Variants in CDH13 observed in about 807,000 individuals in gnomAD.
CDH13 encodes the protein cadherin-13.
In CDH13, 24 loss-of-function variants were observed where a neutral mutation model predicts 63.8. That is an observed-to-expected ratio of 0.38 (90% CI 0.27 to 0.53). The LOEUF (loss-of-function observed/expected upper bound fraction) is 0.53, where lower values mean the gene tolerates loss of function less well. Among genes scored for constraint, CDH13 ranks in the 20% least tolerant of loss-of-function variants. CDH13 has a pLI of 0.85. For missense variants in CDH13, 1,049 were observed against 903.1 expected (o/e 1.16, Z -2.07); for synonymous variants, 503 against 355.3 (o/e 1.42, Z -4.67).
Position 83,084,929 on chromosome 16 carries a change from G to T in CDH13, c.367-40456G>T, listed in dbSNP as rs1478111117. On this transcript the variant is annotated intron_variant, in intron 3 of 13. Transcript: ENST00000567109. ...TTGAGTAAGTAGAGGTGTTTTTCTTGCCTAACGAGAAGTCTCAGTGTAGGT... is the reference window on the plus strand; with the variant it reads ...TTGAGTAAGTAGAGGTGTTTTTCTTTCCTAACGAGAAGTCTCAGTGTAGGT... Among the ~76,000 whole-genome samples the T allele has an allele frequency of 2.6e-5, 4 of 152,244 alleles. 1 individual carries two copies. Among genetic ancestry groups the T allele is most frequent in the Admixed American group, 2.0e-4 (3 of 15,292 alleles).
chr16:83,435,778 G>A (rs759051701), intron 6 of CDH13, among the ~76,000 whole-genome samples: 2 of 152,038 alleles, frequency 1.3e-5, no homozygotes, highest in Non-Finnish European at 2.9e-5. Flanking sequence ...CTCTCTCCGT[G>A]TTCACTAGAG....
intron 8 of CDH13, among the ~76,000 whole-genome samples, chr16:83,633,473 C>T (rs1910962251): frequency 6.6e-6 from 1 of 152,184 alleles, no homozygotes; most frequent in Non-Finnish European, 1.5e-5. Flanking sequence ...ACAGTCTTTC[C>T]AGTTAGCTGA....
intron 3 of CDH13, among the ~76,000 whole-genome samples, chr16:83,039,178 G>T (rs1309860526): frequency 6.6e-6 from 1 of 152,208 alleles, no homozygotes; most frequent in Non-Finnish European, 1.5e-5. Context: ...ACTGCTCCCA[G>T]TCTGGAGTTA....
intron 1 of CDH13, among the ~76,000 whole-genome samples, chr16:82,858,009 T>A (rs1043037781): frequency 2.0e-5 from 3 of 152,194 alleles, no homozygotes; most frequent in Non-Finnish European, 4.4e-5. Flanking sequence ...TCTTTGCTTG[T>A]ATAAAAATGA....
chr16:83,158,542 C>T (rs1278920017), intron 4 of CDH13, among the ~76,000 whole-genome samples: 1 of 152,196 alleles, frequency 6.6e-6, no homozygotes, highest in African/African-American at 2.4e-5. Context: ...GAGGAGTGAC[C>T]AGTGCTGACT....
chr16:83,511,112 G>A (rs1567724715), intron 7 of CDH13, among the ~76,000 whole-genome samples: 1 of 150,990 alleles, frequency 6.6e-6, no homozygotes, highest in Non-Finnish European at 1.5e-5. Flanking sequence ...ATGCACGCAT[G>A]CACACACATG....
chr16:83,521,522 A>G (rs1262941311), intron 7 of CDH13, among the ~76,000 whole-genome samples: 2 of 152,242 alleles, frequency 1.3e-5, no homozygotes, highest in Non-Finnish European at 2.9e-5. Flanking sequence ...AAGACAGCTT[A>G]TCCCAGGGTA....
At chr16:83,453,016 T>G (rs910384617) in intron 6 of CDH13, among the ~76,000 whole-genome samples, 1 of 152,156 alleles carries the variant, frequency 6.6e-6, no homozygotes, top group African/African-American at 2.4e-5. Context: ...TTTTTGAGCC[T>G]ATATGATGGA....
chr16:83,000,220 C>CTTTTTTT lies in CDH13; in HGVS notation c.158-31788_158-31787insTTTTTTT, dbSNP rs1567731430. On this transcript the variant is annotated intron_variant, in intron 2 of 13. Transcript: ENST00000567109. ...TCCCTAGGAATATCCACAGGTTTAG[C>CTTTTTTT]TTATTTTTTTTTTTTTTTTTTTTTT... Among the ~76,000 whole-genome samples, 13 of 33,972 alleles carry CTTTTTTT rather than the reference C, an allele frequency of 3.8e-4. 2 individuals are homozygous for CTTTTTTT. The highest frequency in any genetic ancestry group is 1.1e-3 in the African/African-American group (11 of 9,674). 22.3% of individuals were successfully genotyped at this position (33,972 alleles called of 152,430 possible). A position where few individuals can be genotyped will look rare whatever the true frequency, so the allele number is the denominator to read the frequency against.
intron 2 of CDH13, among the ~76,000 whole-genome samples, chr16:83,027,112 C>CG (rs1396787925): frequency 4.9e-5 from 7 of 144,296 alleles, no homozygotes; most frequent in South Asian, 2.4e-4. Flanking sequence ...ACCCCCCCCC[C>CG]CCACCGCCCC....
intron 10 of CDH13, among the ~76,000 whole-genome samples, chr16:83,733,158 T>G (rs1208760359): frequency 6.6e-6 from 1 of 152,190 alleles, no homozygotes. Context: ...GAATGAACAC[T>G]GGAAATCAGT....
At position 82,865,068 on chromosome 16, in the gene CDH13, C is replaced by T. The variant is rs562738960; in HGVS notation, c.157+6595C>T. Reference sequence around the variant, plus strand: ...TTGACTCTGTGTCTCACATACAGGTCACCCTGATGCAAGAGGTGGGTTCTC... The same window carrying T: ...TTGACTCTGTGTCTCACATACAGGTTACCCTGATGCAAGAGGTGGGTTCTC... On this transcript the variant is annotated intron_variant, in intron 2 of 13. Coordinates refer to ENST00000567109, the MANE Select transcript of CDH13 (RefSeq NM_001257.5). Among the ~76,000 whole-genome samples, 10 of 152,376 alleles carry T rather than the reference C, an allele frequency of 6.6e-5. No homozygotes were observed. The South Asian group carries it at 1.2e-3, about 19-fold the overall frequency.
intron 3 of CDH13, among the ~76,000 whole-genome samples, chr16:83,095,590 A>T (rs933387799): frequency 1.3e-5 from 2 of 152,180 alleles, no homozygotes; most frequent in African/African-American, 4.8e-5. Flanking sequence ...CTTCAAGCTT[A>T]TGTATTTGGG....
chr16:83,355,030 T>C (rs1280560214), intron 6 of CDH13, among the ~76,000 whole-genome samples: 1 of 152,178 alleles, frequency 6.6e-6, no homozygotes, highest in Admixed American at 6.5e-5. Flanking sequence ...GGCTTAGAAC[T>C]CCATACATTT....
At chr16:83,240,059 G>A (rs1343766657) in intron 5 of CDH13, among the ~76,000 whole-genome samples, 1 of 152,196 alleles carries the variant, frequency 6.6e-6, no homozygotes, top group Non-Finnish European at 1.5e-5. Flanking sequence ...AGGAGGTTGG[G>A]TGCAGGGGAA....
At chr16:83,522,124 C>T (rs2151620568) in intron 7 of CDH13, among the ~76,000 whole-genome samples, 1 of 152,278 alleles carries the variant, frequency 6.6e-6, no homozygotes, top group Admixed American at 6.5e-5. Flanking sequence ...GCTCTCTGCC[C>T]ACCGGGTGCT....
intron 2 of CDH13, among the ~76,000 whole-genome samples, chr16:82,997,139 G>A (rs1371636894): frequency 6.2e-5 from 7 of 112,722 alleles, no homozygotes; most frequent in Non-Finnish European, 1.2e-4. Context: ...TGATGGTGGT[G>A]ATGATGGTGA....
chr16:83,171,577 C>T (rs2037919674), intron 4 of CDH13: 3 of 1,531,692 alleles, frequency 2.0e-6, no homozygotes, highest in African/African-American at 1.4e-5. Flanking sequence ...GATAAGTGCA[C>T]AGGAAATTTT....
chr16:82,784,152 T>C (rs1290683484), intron 1 of CDH13, among the ~76,000 whole-genome samples: 3 of 152,190 alleles, frequency 2.0e-5, no homozygotes, highest in African/African-American at 7.2e-5. Flanking sequence ...GATGTTCTTA[T>C]CCTGCTTACC....
Sources: gnomAD v4.1 joint callset for allele counts (sites outside exome capture counted in the v4.1 genomes callset) on GRCh38, gnomAD v4.1.1 for gene constraint, MANE v1.5 for transcripts, NCBI Gene and HGNC (gene_info 2026-07-23, HGNC 2026-07-21) for gene names.